SLCO1B3: variants seen among roughly 807,000 people sequenced by gnomAD.
The protein encoded by SLCO1B3 is liver-specific organic anion transporter 2.
In SLCO1B3, 72 loss-of-function variants were observed where a neutral mutation model predicts 71.8. The ratio of observed to expected loss-of-function variants is 1.00; its 90% CI spans 0.83 to 1.22. The LOEUF (loss-of-function observed/expected upper bound fraction) is 1.22. Among genes scored for constraint, SLCO1B3 ranks in the 50% most tolerant of loss-of-function variants. The probability of loss-of-function intolerance (pLI) is 0.00; values close to 1 mark genes in which losing one functional copy is unlikely to be tolerated. For missense variants in SLCO1B3, 911 were observed against 819.7 expected (o/e 1.11, Z -1.36); for synonymous variants, 298 against 278.4 (o/e 1.07, Z -0.70).
At chr12:20,899,482 G>A (rs1327566790) in intron 14 of SLCO1B3, among the ~76,000 whole-genome samples, 3 of 152,190 alleles carry the variant, frequency 2.0e-5, no homozygotes, top group Non-Finnish European at 4.4e-5. Flanking sequence ...CCGTGAAGAA[G>A]TTGTACATGA....
chr12:20,844,844 A>G (rs1864880531), intron 3 of SLCO1B3, among the ~76,000 whole-genome samples: 1 of 152,064 alleles, frequency 6.6e-6, no homozygotes, highest in African/African-American at 2.4e-5. Flanking sequence ...AGCCTGGCCA[A>G]CATGGTGAAA....
At chr12:20,907,579 G>A (rs1263712289) in intron 15 of SLCO1B3, among the ~76,000 whole-genome samples, 18 of 148,868 alleles carry the variant, frequency 1.2e-4, no homozygotes, top group Non-Finnish European at 1.3e-4. Flanking sequence ...CGAAATCTCG[G>A]CTCACTGCAA....
chr12:20,823,370 T>C (rs1864357218), intron 3 of SLCO1B3, among the ~76,000 whole-genome samples: 1 of 152,092 alleles, frequency 6.6e-6, no homozygotes, highest in African/African-American at 2.4e-5. Context: ...TTTGGAGACT[T>C]GTAGTCAGGA....
chr12:20,852,520 C>A (rs1410101692), intron 3 of SLCO1B3, among the ~76,000 whole-genome samples: 2 of 152,036 alleles, frequency 1.3e-5, no homozygotes, highest in Non-Finnish European at 1.5e-5. Context: ...AAATTAAAAT[C>A]TGTAGATGAG....
chr12:20,890,998 G>A (rs1021627086), intron 13 of SLCO1B3, among the ~76,000 whole-genome samples: 2 of 152,006 alleles, frequency 1.3e-5, no homozygotes, highest in Admixed American at 6.6e-5. Flanking sequence ...TAAGAAGAGT[G>A]TTTAGTATAT....
intron 13 of SLCO1B3, among the ~76,000 whole-genome samples, chr12:20,885,008 A>T (rs1279563395): frequency 6.6e-6 from 1 of 152,122 alleles, no homozygotes; most frequent in East Asian, 1.9e-4. Flanking sequence ...TCACTTCATA[A>T]TTTCATACTA....
rs956020099 is a variant in SLCO1B3 at position 20,844,571 on chromosome 12, G to GA, written c.85-10447dup. ...TGACAGAGCAAGCATCTGTCTCAAA[G>GA]AAAAAAAAAATTCCATCTTGCATTA... On this transcript the variant is annotated intron_variant, in intron 3 of 15. Coordinates refer to ENST00000381545, the MANE Select transcript of SLCO1B3 (RefSeq NM_019844.4). Among the ~76,000 whole-genome samples, 141 of 148,706 alleles carry GA rather than the reference G, an allele frequency of 9.5e-4. 1 individual carries two copies. The South Asian group carries it at 0.025, about 26-fold the overall frequency.
intron 3 of SLCO1B3, among the ~76,000 whole-genome samples, chr12:20,852,317 TA>T (rs201138526): frequency 2.6e-5 from 4 of 151,626 alleles, no homozygotes; most frequent in Non-Finnish European, 5.9e-5. Flanking sequence ...GCCACATCTT[TA>T]AAAAAAAGTA....
chr12:20,872,134 A>C (rs1042491109), intron 8 of SLCO1B3, among the ~76,000 whole-genome samples: 1 of 151,954 alleles, frequency 6.6e-6, no homozygotes, highest in African/African-American at 2.4e-5. Context: ...TCCCCTTGCC[A>C]CAGGCAGAGG....
In SLCO1B3 at chr12:20,821,248, C is replaced by T. The variant is rs145139446; in HGVS notation, c.84+5426C>T. On this transcript the variant is annotated intron_variant, in intron 3 of 15. Transcript: ENST00000381545. Reference sequence around the variant, plus strand: ...CACCTCAGACCATTTGCCCGTTTTACGACAAGAATTATTTAGGTCTTGTAG... The same window carrying T: ...CACCTCAGACCATTTGCCCGTTTTATGACAAGAATTATTTAGGTCTTGTAG... Among the ~76,000 whole-genome samples the T allele has an allele frequency of 7.6e-3, 1,150 of 152,130 alleles. 11 individuals carry two copies. Among genetic ancestry groups the T allele is most frequent in the African/African-American group, 0.025 (1,037 of 41,496 alleles).
chr12:20,879,648 A>C lies in SLCO1B3; in HGVS notation c.1331+17A>C, dbSNP rs377682781. ...CTATGATGGGTTTGTATATATTGCT[A>C]TATAAATTGTGTAATATGTTAACCA... On this transcript the variant is annotated intron_variant, in intron 11 of 15. Transcript: ENST00000381545. 1.3e-6 allele frequency: 2 copies of C among 1,513,710 alleles called. No individual in the cohort carries two copies. The highest frequency in any genetic ancestry group is 1.8e-6 in the Non-Finnish European group (2 of 1,111,634). The allele number at this position is 1,513,710 out of a possible 1,614,324, so 93.8% of individuals were successfully genotyped here.
chr12:20,843,510 G>A (rs1349979660), intron 3 of SLCO1B3, among the ~76,000 whole-genome samples: 3 of 151,992 alleles, frequency 2.0e-5, no homozygotes, highest in African/African-American at 7.3e-5. Context: ...ATTCATCCAC[G>A]GGGCTCATGC....
chr12:20,874,674 C>A (rs892719340), intron 8 of SLCO1B3, among the ~76,000 whole-genome samples: 2 of 152,130 alleles, frequency 1.3e-5, no homozygotes, highest in African/African-American at 4.8e-5. Flanking sequence ...TCCAATATTT[C>A]TGGGTTACTC....
chr12:20,857,507 T>C (rs1343589184), intron 4 of SLCO1B3, among the ~76,000 whole-genome samples: 1 of 151,984 alleles, frequency 6.6e-6, no homozygotes, highest in Non-Finnish European at 1.5e-5. Context: ...TATATCAAGT[T>C]CTAATTTGTA....
chr12:20,870,678 T>C (rs567321808), intron 8 of SLCO1B3, among the ~76,000 whole-genome samples: 25 of 152,198 alleles, frequency 1.6e-4, no homozygotes, highest in Non-Finnish European at 3.4e-4. Flanking sequence ...TCTGTTGGTC[T>C]ACATATCTAT....
At chr12:20,881,836 C>A (rs1865700140) in intron 12 of SLCO1B3, among the ~76,000 whole-genome samples, 1 of 152,204 alleles carries the variant, frequency 6.6e-6, no homozygotes, top group Non-Finnish European at 1.5e-5. Flanking sequence ...CCAACATTAG[C>A]AATATAGTCA....
chr12:20,815,910 T>C, intron 3 of SLCO1B3, 88 bp downstream of exon 3: 1 of 631,578 alleles, frequency 1.6e-6, no homozygotes, highest in Non-Finnish European at 2.6e-6. Flanking sequence ...AAAAGAACAT[T>C]ATATCTCATA....
chr12:20,811,938 G>A (rs557631336), intron 1 of SLCO1B3, among the ~76,000 whole-genome samples: 7 of 128,310 alleles, frequency 5.5e-5, no homozygotes, highest in East Asian at 4.4e-4. Flanking sequence ...AAGGAGTTTC[G>A]CTCTTGTTGC....
In SLCO1B3 at chr12:20,815,744, C is replaced by T; in HGVS notation, c.6C>T (p.Asp2=). Residue 2 remains aspartate (D), a synonymous_variant, in exon 3 of 16, where the codon GAC becomes GAT. Transcript: ENST00000381545. M[D]QHQHLNKTAE... is the part of the protein sequence containing the mutation. ...TTGGTATCTGTAGTTTAATAATGGA[C>T]CAACATCAACATTTGAATAAAACAG... 4 of 1,576,602 alleles carry T rather than the reference C, an allele frequency of 2.5e-6. No homozygotes were observed. Among genetic ancestry groups the T allele is most frequent in the Non-Finnish European group, 3.5e-6 (4 of 1,154,106 alleles).
Sources: allele counts gnomAD v4.1 joint callset (sites outside exome capture counted in the v4.1 genomes callset), GRCh38; gene constraint gnomAD v4.1.1; transcripts MANE v1.5; gene names NCBI Gene and HGNC (gene_info 2026-07-23, HGNC 2026-07-21).